Variants in NET1 observed in about 807,000 individuals in gnomAD.
NET1 encodes the protein neuroepithelial cell-transforming gene 1 protein.
In NET1, 42 loss-of-function variants were observed where a neutral mutation model predicts 61.1. The observed-to-expected ratio is 0.69, with a 90% CI of 0.54 to 0.89. The LOEUF (loss-of-function observed/expected upper bound fraction) is 0.89. Among genes scored for constraint, NET1 ranks in the 40% least tolerant of loss-of-function variants. The probability of loss-of-function intolerance (pLI) is 0.00; values close to 1 mark genes in which losing one functional copy is unlikely to be tolerated. For synonymous variants in NET1, 254 were observed against 281.8 expected (o/e 0.90, Z 0.99); for missense variants, 654 against 747.3 (o/e 0.88, Z 1.46).
At chr10:5,429,722 A>G (rs901346780) in intron 3 of NET1, among the ~76,000 whole-genome samples, 3 of 152,236 alleles carry the variant, frequency 2.0e-5, no homozygotes, top group African/African-American at 7.2e-5. Flanking sequence ...TATGTGACAT[A>G]GAATAAACTA....
rs1832846332 is a variant in NET1, at chr10:5,458,451, A to G, written c.*1457A>G. 1 of 152,088 alleles carries G rather than the reference A, an allele frequency of 6.6e-6. No individual in the cohort carries two copies. Among genetic ancestry groups the G allele is most frequent in the Admixed American group, 6.6e-5 (1 of 15,236 alleles). 9.4% of individuals were successfully genotyped at this position (152,088 alleles called of 1,614,324 possible). Reference sequence around the variant, plus strand: ...GAATGATACTATTAAAAAAAAAAAAAGCACACACATAATCACCCTGAAGGT... The same window carrying G: ...GAATGATACTATTAAAAAAAAAAAAGGCACACACATAATCACCCTGAAGGT... On this transcript the variant is annotated 3_prime_UTR_variant, in exon 12 of 12. Transcript: ENST00000355029. The surrounding 1 kb of genome is among the most constrained non-coding windows in gnomAD (Gnocchi z 4.5).
chr10:5,446,643 G>A lies in NET1; in HGVS notation c.256-5187G>A, dbSNP rs1004416124. The A allele has an allele frequency of 7.7e-7, 1 of 1,300,232 alleles. No individual in the cohort carries two copies. The highest frequency in any genetic ancestry group is 1.5e-5 in the African/African-American group (1 of 66,744). 80.5% of individuals were successfully genotyped at this position (1,300,232 alleles called of 1,614,324 possible). A position where few individuals can be genotyped will look rare whatever the true frequency, so the allele number is the denominator to read the frequency against. ...TGCTCCACCGCGGCGAGAGGCATGG[G>A]CACGTGGCTGCCGAGGGTGGCCGAG... On this transcript the variant is annotated intron_variant, in intron 3 of 11. Transcript: ENST00000355029. The surrounding 1 kb of genome is among the most constrained non-coding windows in gnomAD (Gnocchi z 5.0).
At chr10:5,413,754 A>G (rs934430249) in intron 1 of NET1, among the ~76,000 whole-genome samples, 6 of 152,250 alleles carry the variant, frequency 3.9e-5, no homozygotes, top group Non-Finnish European at 7.3e-5. Context: ...TATCGAACTT[A>G]GAGTGTTTTG....
chr10:5,458,593 G>A lies in NET1; in HGVS notation c.*1599G>A, dbSNP rs978748684. 4 of 152,608 alleles carry A rather than the reference G, an allele frequency of 2.6e-5. No individual in the cohort carries two copies. The highest frequency in any genetic ancestry group is 9.7e-5 in the African/African-American group (4 of 41,438). 9.5% of individuals were successfully genotyped at this position (152,608 alleles called of 1,614,324 possible). On this transcript the variant is annotated 3_prime_UTR_variant, in exon 12 of 12. Coordinates refer to ENST00000355029, the MANE Select transcript of NET1 (RefSeq NM_001047160.3). This position sits in a 1 kb window ranked among gnomAD's most constrained non-coding sequence, Gnocchi z 4.5. ...TTGTAGTTCAACCTTTGAAATCATT[G>A]ATGAATCAGCGAAAGGTAGGTAAGT...
rs1832738170 is a variant in NET1, at chr10:5,453,275, T to C, written c.620T>C (p.Leu207Ser). The change falls in exon 7 of 12, where the codon TTG becomes TCG. Residue 207 changes from leucine to serine, a missense_variant. Physicochemically the swap from Leu to Ser is moderately radical, Grantham distance 145. Transcript: ENST00000355029. The surrounding 1 kb of genome is among the most constrained non-coding windows in gnomAD (Gnocchi z 4.9). ...GCCTATCATGACCCCATGTTAAAGTTGTCCATCATGTCAGAAGAGGAACTC... is the reference window on the plus strand; with the variant it reads ...GCCTATCATGACCCCATGTTAAAGTCGTCCATCATGTCAGAAGAGGAACTC... ...RKAYHDPMLK[L>S]SIMSEEELTH... is the part of the protein sequence containing the mutation. 6.2e-7 allele frequency: 1 copy of C among 1,610,752 alleles called. No homozygotes were observed.
Position 5,453,167 on chromosome 10 carries a change from A to G in NET1, c.595-83A>G, listed in dbSNP as rs1272389843. The G allele has an allele frequency of 1.2e-6, 1 of 868,764 alleles. No homozygotes were observed. The highest frequency in any genetic ancestry group is 1.7e-5 in the African/African-American group (1 of 59,992). The allele number at this position is 868,764 out of a possible 1,614,324, so 53.8% of individuals were successfully genotyped here. On this transcript the variant is annotated intron_variant, in intron 6 of 11. Transcript: ENST00000355029. The surrounding 1 kb of genome is among the most constrained non-coding windows in gnomAD (Gnocchi z 4.9). ...CAGAATCCACGCTAGCTTTTATGTA[A>G]TTAATTCTCTTTGTTTCCAAGTATA... is the stretch of plus-strand genomic sequence containing the variant.
At chr10:5,425,095 T>A (rs73617946) in intron 1 of NET1, among the ~76,000 whole-genome samples, 10,065 of 152,284 alleles carry the variant, frequency 0.066, 1,117 homozygotes, top group African/African-American at 0.22. Flanking sequence ...ACTTGCAGTT[T>A]CCAGAATGTA....
chr10:5,442,866 G>GA lies in NET1; in HGVS notation c.256-8963dup, dbSNP rs535435203. Among the ~76,000 whole-genome samples, 337 of 122,942 alleles carry GA rather than the reference G, an allele frequency of 2.7e-3. 1 individual carries two copies. Among genetic ancestry groups the GA allele is most frequent in the African/African-American group, 0.01 (323 of 31,812 alleles). The allele number at this position is 122,942 out of a possible 152,430, so 80.7% of individuals were successfully genotyped here. On this transcript the variant is annotated intron_variant, in intron 3 of 11. Transcript: ENST00000355029. ...CACTCCAGCCTGGACAACAGAGCAAGACCCTGTCTTTAAAAAAAAAAAAAA... is the reference window on the plus strand; with the variant it reads ...CACTCCAGCCTGGACAACAGAGCAAGAACCCTGTCTTTAAAAAAAAAAAAAA...
intron 3 of NET1, among the ~76,000 whole-genome samples, chr10:5,434,597 C>T (rs889233871): frequency 6.6e-6 from 1 of 151,940 alleles, no homozygotes; most frequent in South Asian, 2.1e-4. Context: ...AATGCTGATA[C>T]TTTGTGGGCC....
Position 5,412,651 on chromosome 10 carries a change from C to T in NET1, c.-42C>T. The T allele has an allele frequency of 6.9e-7, 1 of 1,446,258 alleles. No homozygotes were observed. The highest frequency in any genetic ancestry group is 9.0e-7 in the Non-Finnish European group (1 of 1,111,630). The allele number at this position is 1,446,258 out of a possible 1,614,324, so 89.6% of individuals were successfully genotyped here. A position where few individuals can be genotyped will look rare whatever the true frequency, so the allele number is the denominator to read the frequency against. On this transcript the variant is annotated 5_prime_UTR_variant, in exon 1 of 12. Coordinates refer to ENST00000355029, the MANE Select transcript of NET1 (RefSeq NM_001047160.3). The surrounding 1 kb of genome is among the most constrained non-coding windows in gnomAD (Gnocchi z 6.5). ...GGGCATCGTGCCCGTCCCTGCCGGT[C>T]TCCCGGGCACCCGGCCACCGCCCCA...
At position 5,440,589 on chromosome 10, in the gene NET1, A is replaced by G. The variant is rs1832510401; in HGVS notation, c.256-11241A>G. 6.6e-6 allele frequency among the ~76,000 whole-genome samples: 1 copy of G among 152,148 alleles called. No individual in the cohort carries two copies. Among genetic ancestry groups the G allele is most frequent in the African/African-American group, 2.4e-5 (1 of 41,434 alleles). On this transcript the variant is annotated intron_variant, in intron 3 of 11. Coordinates refer to ENST00000355029, the MANE Select transcript of NET1 (RefSeq NM_001047160.3). This position sits in a 1 kb window ranked among gnomAD's most constrained non-coding sequence, Gnocchi z 4.1. ...TCTCTGCATTTTCTCCTGGTGTGCA[A>G]TACTGCTTCTGACTTACCATCTTGG...
At chr10:5,413,805 A>G (rs111305909) in intron 1 of NET1, among the ~76,000 whole-genome samples, 5 of 152,340 alleles carry the variant, frequency 3.3e-5, no homozygotes, top group African/African-American at 1.2e-4. Flanking sequence ...TTCAGAAAAT[A>G]ATGTGAGTGC....
chr10:5,457,110 A>G lies in NET1; in HGVS notation c.*116A>G. 3.8e-6 allele frequency: 4 copies of G among 1,044,204 alleles called. No individual in the cohort carries two copies. The highest frequency in any genetic ancestry group is 3.2e-5 in the Admixed American group (1 of 31,008). 64.7% of individuals were successfully genotyped at this position (1,044,204 alleles called of 1,614,324 possible). On this transcript the variant is annotated 3_prime_UTR_variant, in exon 12 of 12. Coordinates refer to ENST00000355029, the MANE Select transcript of NET1 (RefSeq NM_001047160.3). This position sits in a 1 kb window ranked among gnomAD's most constrained non-coding sequence, Gnocchi z 5.4. ...ACTTTATACCAGTTGTAACATTTTC[A>G]TTGTTTTTGGTTGTTCTTTTTTCTT...
At chr10:5,432,193 T>C (rs1423985187) in intron 3 of NET1, among the ~76,000 whole-genome samples, 3 of 152,202 alleles carry the variant, frequency 2.0e-5, no homozygotes, top group African/African-American at 7.2e-5. Context: ...ATAGGACTTT[T>C]TAATGAATAG....
At chr10:5,430,754 T>A (rs1009548410) in intron 3 of NET1, among the ~76,000 whole-genome samples, 5 of 152,206 alleles carry the variant, frequency 3.3e-5, no homozygotes, top group Admixed American at 6.5e-5. Context: ...TCATGCATTT[T>A]CTTGATCTTG....
Position 5,418,417 on chromosome 10 carries a change from C to G in NET1, c.128+5597C>G, listed in dbSNP as rs527832812. Reference sequence around the variant, plus strand: ...TAGGAATTTGTTTCATCAAAGTTATCTAATTTGTTGGTGTACCCTTCCTTG... The same window carrying G: ...TAGGAATTTGTTTCATCAAAGTTATGTAATTTGTTGGTGTACCCTTCCTTG... On this transcript the variant is annotated intron_variant, in intron 1 of 11. Transcript: ENST00000355029. Among the ~76,000 whole-genome samples the G allele has an allele frequency of 4.6e-5, 7 of 152,176 alleles. No homozygotes were observed. In the South Asian group the frequency reaches 1.4e-3, roughly 32 times the overall value.
rs1268050446 is a variant in NET1 at position 5,439,369 on chromosome 10, C to A, written c.255+10140C>A. Among the ~76,000 whole-genome samples, 2 of 152,202 alleles carry A rather than the reference C, an allele frequency of 1.3e-5. No individual in the cohort carries two copies. Among genetic ancestry groups the A allele is most frequent in the Non-Finnish European group, 2.9e-5 (2 of 68,038 alleles). On this transcript the variant is annotated intron_variant, in intron 3 of 11. Transcript: ENST00000355029. This position sits in a 1 kb window ranked among gnomAD's most constrained non-coding sequence, Gnocchi z 4.8. ...TTCTCTTAGTGGTTTTAGAGACCTACTCCACCCCTAGATGAAGAGTTGAAA... is the reference window on the plus strand; with the variant it reads ...TTCTCTTAGTGGTTTTAGAGACCTAATCCACCCCTAGATGAAGAGTTGAAA...
Position 5,454,585 on chromosome 10 carries a change from G to A in NET1, c.1026+63G>A, listed in dbSNP as rs777776934. 39 of 1,526,210 alleles carry A rather than the reference G, an allele frequency of 2.6e-5. No individual in the cohort carries two copies. Among genetic ancestry groups the A allele is most frequent in the African/African-American group, 5.6e-5 (4 of 71,880 alleles). 94.5% of individuals were successfully genotyped at this position (1,526,210 alleles called of 1,614,324 possible). A position where few individuals can be genotyped will look rare whatever the true frequency, so the allele number is the denominator to read the frequency against. Reference sequence around the variant, plus strand: ...TTTATACATTAGGCTGCTTTAGAACGTTATCTTCTGAAGATGCTGATTCAC... The same window carrying A: ...TTTATACATTAGGCTGCTTTAGAACATTATCTTCTGAAGATGCTGATTCAC... On this transcript the variant is annotated intron_variant, in intron 9 of 11. Coordinates refer to ENST00000355029, the MANE Select transcript of NET1 (RefSeq NM_001047160.3). This position sits in a 1 kb window ranked among gnomAD's most constrained non-coding sequence, Gnocchi z 8.1.
At chr10:5,434,983 G>A (rs928863203) in intron 3 of NET1, among the ~76,000 whole-genome samples, 1 of 152,122 alleles carries the variant, frequency 6.6e-6, no homozygotes, top group Non-Finnish European at 1.5e-5. Flanking sequence ...CAGAGCTATA[G>A]AAAAGCCTGC....
Sources: allele counts gnomAD v4.1 joint callset (sites outside exome capture counted in the v4.1 genomes callset), GRCh38; gene constraint gnomAD v4.1.1; non-coding constraint Gnocchi (gnomAD v3.1); transcripts MANE v1.5; gene names NCBI Gene and HGNC (gene_info 2026-07-23, HGNC 2026-07-21).